Variants in OR2T2 observed in about 807,000 individuals in gnomAD.
The protein encoded by OR2T2 is olfactory receptor 2T2.
For missense variants in OR2T2, 138 were observed against 409.1 expected (o/e 0.34, Z 5.72); for synonymous variants, 50 against 162.7 (o/e 0.31, Z 5.27).
exon 2 of OR2T2, chr1:248,446,803 GTAGTT>G (rs1285359462): frequency 6.7e-6 from 1 of 148,854 alleles, no homozygotes; most frequent in African/African-American, 2.6e-5. Context: ...CCTTGACAAT[GTAGTT>G]TAGGTAAGTT....
intron 2 of OR2T2, among the ~76,000 whole-genome samples, chr1:248,448,782 CTT>C (rs1250267326): frequency 1.2e-4 from 8 of 68,776 alleles, no homozygotes; most frequent in African/African-American, 5.7e-5. Flanking sequence ...ATCGATGACT[CTT>C]AGAGCTATGT....
At chr1:248,446,511 G>C (rs1253212548) in intron 1 of OR2T2, 78 bp from the exon 2 acceptor site, 1 of 143,020 alleles carries the variant, frequency 7.0e-6, no homozygotes, top group Non-Finnish European at 1.5e-5. Flanking sequence ...GGACTAGATG[G>C]GCTCGCCTCG....
Position 248,448,093 on chromosome 1 carries a change from T to TG in OR2T2, c.-23+1282_-23+1283insG, listed in dbSNP as rs1662710285. 2.6e-5 allele frequency among the ~76,000 whole-genome samples: 4 copies of TG among 152,286 alleles called. No individual in the cohort carries two copies. In the South Asian group the frequency reaches 8.3e-4, roughly 32 times the overall value. On this transcript the variant is annotated intron_variant, in intron 2 of 2. Transcript: ENST00000642130. ...TGTGTTCAAGTAACTCAGTTTTTCT[T>TG]AATGGCTCCAAAGAGATGGAGTTAG...
rs138778096 is a variant in OR2T2 at position 248,452,927 on chromosome 1, T to G, written c.130T>G (p.Leu44Val). 4.3e-3 allele frequency: 6,870 copies of G among 1,611,028 alleles called. 14 individuals are homozygous for G. The African/African-American group carries it at 0.074, about 17-fold the overall frequency. ...CTTTGTGGTGGCTATAACAGCCAAC[T>G]TGGTCATGATTCTGCTCATCCACAT... Residue 44 changes from leucine to valine, a missense_variant, in exon 3 of 3, where the codon TTG (leucine) becomes GTG (valine). By Grantham distance (32) the Leu-to-Val change is conservative (BLOSUM62 1). Transcript: ENST00000642130.
In OR2T2 at chr1:248,453,895, T is replaced by C. The variant is rs188695254; in HGVS notation, c.*123T>C. ...CAAGGACTAGCGCAAACATCTGCGG[T>C]GCTGCGGCCAATAACGCAGCTATTA... On this transcript the variant is annotated 3_prime_UTR_variant, in exon 3 of 3. Transcript: ENST00000642130. 6.2e-3 allele frequency: 8,474 copies of C among 1,372,202 alleles called. 53 individuals are homozygous for C. Among genetic ancestry groups the C allele is most frequent in the Non-Finnish European group, 7.7e-3 (7,617 of 989,164 alleles). The allele number at this position is 1,372,202 out of a possible 1,614,324, so 85.0% of individuals were successfully genotyped here.
exon 3 of OR2T2, chr1:248,454,131 G>T: frequency 8.1e-6 from 2 of 247,154 alleles, no homozygotes; most frequent in Non-Finnish European, 1.4e-5. Flanking sequence ...TTCATGGCAC[G>T]CCAAGCAGCT....
intron 2 of OR2T2, among the ~76,000 whole-genome samples, chr1:248,451,750 T>TC (rs758706532): frequency 1.3e-5 from 2 of 149,562 alleles, no homozygotes; most frequent in East Asian, 3.9e-4. Context: ...AGTGCTAGGA[T>TC]CACGGGTGGG....
rs1256775078 is a variant in OR2T2 at position 248,446,548 on chromosome 1, G to C, written c.-245-41G>C. ...CTCACCTCGCCTCTGCTGCTCCTGT[G>C]TAATCCTCCATTCCCTTACTCTCCA... On this transcript the variant is annotated intron_variant, in intron 1 of 2. Transcript: ENST00000642130. 2.2e-5 allele frequency: 3 copies of C among 138,846 alleles called. 1 individual carries two copies. The highest frequency in any genetic ancestry group is 8.7e-5 in the African/African-American group (3 of 34,294). 8.6% of individuals were successfully genotyped at this position (138,846 alleles called of 1,614,324 possible). A position where few individuals can be genotyped will look rare whatever the true frequency, so the allele number is the denominator to read the frequency against.
chr1:248,450,284 A>G (rs1345805321), intron 2 of OR2T2, among the ~76,000 whole-genome samples: 1 of 132,608 alleles, frequency 7.5e-6, no homozygotes, highest in Admixed American at 7.4e-5. Context: ...CCATGCTCAC[A>G]CACTCACATA....
intron 2 of OR2T2, among the ~76,000 whole-genome samples, chr1:248,449,822 C>CTTTTTCTT (rs1558339019): frequency 8.1e-6 from 1 of 123,634 alleles, no homozygotes; most frequent in African/African-American, 5.1e-5. Flanking sequence ...TTTTCTTTTT[C>CTTTTTCTT]TTTTTCTTTT....
chr1:248,447,537 C>T (rs916490), intron 2 of OR2T2, among the ~76,000 whole-genome samples: 37,215 of 121,972 alleles, frequency 0.31, 3,282 homozygotes, highest in East Asian at 0.53. Context: ...TCTCCCCTCT[C>T]TCTTCCACCC....
exon 3 of OR2T2, chr1:248,454,339 A>C: frequency 2.9e-4 from 9 of 31,218 alleles, no homozygotes; most frequent in South Asian, 2.6e-3. Flanking sequence ...TATATTGCTA[A>C]TGTGTGACCA....
intron 2 of OR2T2, among the ~76,000 whole-genome samples, chr1:248,449,836 T>TTTTTC (rs1662751987): frequency 7.4e-6 from 1 of 134,972 alleles, no homozygotes; most frequent in Non-Finnish European, 1.5e-5. Flanking sequence ...TTCTTTTTTT[T>TTTTTC]TTTTTTTGGA....
At chr1:248,452,638 AC>A in intron 2 of OR2T2, 137 bp from the exon 4 acceptor site, 1 of 804,214 alleles carries the variant, frequency 1.2e-6, no homozygotes, top group South Asian at 1.6e-5. Context: ...GATCATTAAT[AC>A]TGAAACCCAG....
chr1:248,449,828 CTTTTTTTT>C (rs777942474), intron 2 of OR2T2, among the ~76,000 whole-genome samples: 6 of 115,300 alleles, frequency 5.2e-5, no homozygotes, highest in Non-Finnish European at 8.1e-5. Flanking sequence ...TTTTCTTTTT[CTTTTTTTT>C]TTTTTTTGGA....
chr1:248,450,919 G>GT (rs1157972701), intron 2 of OR2T2, among the ~76,000 whole-genome samples: 1 of 122,530 alleles, frequency 8.2e-6, no homozygotes, highest in African/African-American at 3.5e-5. Context: ...GAAGGCAAAA[G>GT]TAGCTGACTT....
At chr1:248,446,627 C>G (rs1219836945) in exon 2 of OR2T2, 2 of 147,862 alleles carry the variant, frequency 1.4e-5, no homozygotes, top group Non-Finnish European at 2.9e-5. Context: ...ATGCCAGATC[C>G]TTTGATTTCT....
At position 248,448,085 on chromosome 1, in the gene OR2T2, GTT is replaced by G. The variant is rs1662710052; in HGVS notation, c.-23+1278_-23+1279del. 2.6e-5 allele frequency among the ~76,000 whole-genome samples: 4 copies of G among 152,296 alleles called. No individual in the cohort carries two copies. The South Asian group carries it at 8.3e-4, about 32-fold the overall frequency. Reference sequence around the variant, plus strand: ...TCAGTGCTTGTGTTCAAGTAACTCAGTTTTTCTTAATGGCTCCAAAGAGATGG... The same window carrying G: ...TCAGTGCTTGTGTTCAAGTAACTCAGTTTCTTAATGGCTCCAAAGAGATGG... On this transcript the variant is annotated intron_variant, in intron 2 of 2. Coordinates refer to ENST00000642130, the Ensembl canonical transcript of OR2T2.
At chr1:248,447,498 C>T (rs1662692431) in intron 2 of OR2T2, among the ~76,000 whole-genome samples, 1 of 144,884 alleles carries the variant, frequency 6.9e-6, no homozygotes, top group African/African-American at 2.7e-5. Flanking sequence ...CAGCTCTCCA[C>T]GGGCTCTTCA....
Sources: allele counts gnomAD v4.1 joint callset (sites outside exome capture counted in the v4.1 genomes callset), GRCh38; gene constraint gnomAD v4.1.1; transcripts MANE v1.5; gene names NCBI Gene and HGNC (gene_info 2026-07-23, HGNC 2026-07-21).